Variants in ADAM23 observed in about 807,000 individuals in gnomAD.
ADAM23 encodes the protein disintegrin and metalloproteinase domain-containing protein 23.
In ADAM23, 33 loss-of-function variants were observed where a neutral mutation model predicts 120.1. The observed-to-expected ratio is 0.27, with a 90% confidence interval of 0.21 to 0.37. The LOEUF is 0.37. ADAM23 is among the 10% of genes least tolerant of loss of function. The pLI, the probability that ADAM23 is intolerant of heterozygous loss-of-function variation, is 1.00. For synonymous variants in ADAM23, 367 were observed against 375.2 expected (o/e 0.98, Z 0.25); for missense variants, 862 against 1,058.2 (o/e 0.81, Z 2.57).
chr2:206,510,137 C>A (rs1696592103), intron 3 of ADAM23, among the ~76,000 whole-genome samples: 1 of 152,120 alleles, frequency 6.6e-6, no homozygotes, highest in African/African-American at 2.4e-5. Flanking sequence ...ATATACTGTG[C>A]ATGAAATCAC....
chr2:206,445,797 G>C (rs981942829), intron 2 of ADAM23, among the ~76,000 whole-genome samples: 1 of 152,218 alleles, frequency 6.6e-6, no homozygotes, highest in Admixed American at 6.5e-5. Flanking sequence ...CTGAACAGTA[G>C]TTAAGTGAAT....
At chr2:206,450,196 A>G (rs755809487) in intron 2 of ADAM23, among the ~76,000 whole-genome samples, 2 of 152,136 alleles carry the variant, frequency 1.3e-5, no homozygotes, top group African/African-American at 4.8e-5. Flanking sequence ...TATGACCTTT[A>G]TTATAAGGAA....
At chr2:206,553,088 G>GA (rs1228243624) in intron 9 of ADAM23, among the ~76,000 whole-genome samples, 6 of 151,914 alleles carry the variant, frequency 3.9e-5, no homozygotes, top group Non-Finnish European at 7.4e-5. Context: ...GTTTAAAAAG[G>GA]AAAAAAAGGC....
At chr2:206,608,015 G>A (rs1048447980) in intron 24 of ADAM23, 11 of 426,324 alleles carry the variant, frequency 2.6e-5, no homozygotes, top group Non-Finnish European at 4.2e-5. Context: ...GTATGTACAT[G>A]GTTATATATT....
At chr2:206,571,368 G>A (rs546089584) in intron 16 of ADAM23, among the ~76,000 whole-genome samples, 44 of 152,246 alleles carry the variant, frequency 2.9e-4, no homozygotes, top group African/African-American at 9.9e-4. Flanking sequence ...CCAGCTACTC[G>A]GGAGGCTGAG....
At chr2:206,588,334 T>A (rs1358218852) in intron 20 of ADAM23, among the ~76,000 whole-genome samples, 180 bp downstream of exon 20, 2 of 152,202 alleles carry the variant, frequency 1.3e-5, no homozygotes, top group African/African-American at 2.4e-5. Flanking sequence ...AACAACTGCT[T>A]AAGTTGGGTA....
chr2:206,552,426 T>C (rs921008083), intron 9 of ADAM23, among the ~76,000 whole-genome samples: 7 of 152,172 alleles, frequency 4.6e-5, no homozygotes, highest in African/African-American at 1.7e-4. Flanking sequence ...TTTTGGTAAT[T>C]GTTAAAACAG....
At chr2:206,518,700 G>C (rs1696782505) in intron 3 of ADAM23, among the ~76,000 whole-genome samples, 1 of 152,156 alleles carries the variant, frequency 6.6e-6, no homozygotes, top group Admixed American at 6.5e-5. Flanking sequence ...CTAATCTGTA[G>C]AAAGAGTGTA....
chr2:206,595,062 T>A (rs570982955), intron 23 of ADAM23, among the ~76,000 whole-genome samples, 157 bp downstream of exon 23: 1 of 152,192 alleles, frequency 6.6e-6, no homozygotes, highest in East Asian at 1.9e-4. Flanking sequence ...GCACCTGTAG[T>A]CCCAGCTACT....
intron 3 of ADAM23, among the ~76,000 whole-genome samples, chr2:206,487,529 G>A (rs1379659824): frequency 1.3e-5 from 2 of 152,192 alleles, no homozygotes. Flanking sequence ...TTTTCCCAGA[G>A]CTGCTCACCA....
chr2:206,577,280 A>G (rs1283696872), intron 18 of ADAM23, among the ~76,000 whole-genome samples: 1 of 149,160 alleles, frequency 6.7e-6, no homozygotes, highest in Non-Finnish European at 1.5e-5. Flanking sequence ...TTATTATTAT[A>G]CTTTAAGTTT....
At chr2:206,608,568 T>G (rs181202886) in intron 24 of ADAM23, among the ~76,000 whole-genome samples, 687 of 152,150 alleles carry the variant, frequency 4.5e-3, no homozygotes, top group Middle Eastern at 0.02. Context: ...GCTCTCATTA[T>G]TATTATTATT....
chr2:206,464,854 A>G (rs930266816), intron 2 of ADAM23, among the ~76,000 whole-genome samples: 1 of 152,114 alleles, frequency 6.6e-6, no homozygotes, highest in Non-Finnish European at 1.5e-5. Context: ...CCCTAAAATC[A>G]AAGAAGTATC....
At chr2:206,510,814 C>T (rs901462876) in intron 3 of ADAM23, among the ~76,000 whole-genome samples, 2 of 152,162 alleles carry the variant, frequency 1.3e-5, no homozygotes, top group Non-Finnish European at 2.9e-5. Flanking sequence ...TTAGAGAGCT[C>T]GCTTTTTCAG....
intron 2 of ADAM23, 135 bp from the exon 3 acceptor site, chr2:206,481,097 G>A: frequency 1.8e-6 from 1 of 543,300 alleles, no homozygotes; most frequent in Non-Finnish European, 3.1e-6. Flanking sequence ...CTAAAGAAAT[G>A]AATTGCTATA....
intron 2 of ADAM23, among the ~76,000 whole-genome samples, chr2:206,454,968 T>A (rs909096345): frequency 1.3e-5 from 2 of 152,160 alleles, no homozygotes. Flanking sequence ...TGTTGATGGA[T>A]CTACCATTCT....
chr2:206,584,985 C>G (rs1698295355), intron 18 of ADAM23, among the ~76,000 whole-genome samples: 1 of 152,150 alleles, frequency 6.6e-6, no homozygotes, highest in Non-Finnish European at 1.5e-5. Context: ...AAGTCGGAAA[C>G]TTTTCCTGCA....
At chr2:206,561,013 T>C in intron 11 of ADAM23, 115 bp from the exon 12 acceptor site, 2 of 759,212 alleles carry the variant, frequency 2.6e-6, no homozygotes, top group Non-Finnish European at 4.4e-6. Context: ...AGTTTTTGAT[T>C]TCTTGGAGGA....
At chr2:206,507,257 C>G (rs375998273) in intron 3 of ADAM23, among the ~76,000 whole-genome samples, 1 of 152,002 alleles carries the variant, frequency 6.6e-6, no homozygotes, top group East Asian at 1.9e-4. Flanking sequence ...AATTGTAATC[C>G]CCAGTGGTGG....
Sources: gnomAD v4.1 joint callset for allele counts (sites outside exome capture counted in the v4.1 genomes callset) on GRCh38, gnomAD v4.1.1 for gene constraint, MANE v1.5 for transcripts, NCBI Gene and HGNC (gene_info 2026-07-23, HGNC 2026-07-21) for gene names.